The following PTPRD variants were observed in gnomAD, a reference collection of about 807,000 sequenced individuals.
PTPRD encodes the protein receptor-type tyrosine-protein phosphatase delta.
In PTPRD, 34 loss-of-function variants were observed where a neutral mutation model predicts 214.5. The observed-to-expected ratio is 0.16, with a 90% confidence interval of 0.12 to 0.21. The LOEUF is 0.21. PTPRD is among the 10% of genes least tolerant of loss of function. The pLI is 1.00. For missense variants in PTPRD, 2,545 were observed against 2,398.7 expected, an observed-to-expected ratio of 1.06 and a Z score of -1.27; for synonymous variants, 1,128 against 845.7, an observed-to-expected ratio of 1.33 and a Z score of -5.79.
At chr9:8,451,092 T>C (rs557938266) in intron 33 of PTPRD, among the ~76,000 whole-genome samples, 3 of 152,172 alleles carry the variant, frequency 2.0e-5, no homozygotes, top group Admixed American at 2.0e-4. Flanking sequence ...TTAAATAGCC[T>C]TTCTTCCCAT....
intron 7 of PTPRD, among the ~76,000 whole-genome samples, chr9:9,679,560 G>A (rs2097019750): frequency 6.6e-6 from 1 of 151,812 alleles, no homozygotes; most frequent in African/African-American, 2.4e-5. Context: ...ATTTACCGAG[G>A]AATGCTTTAA....
At chr9:9,528,700 T>C (rs927919154) in intron 8 of PTPRD, among the ~76,000 whole-genome samples, 3 of 150,476 alleles carry the variant, frequency 2.0e-5, no homozygotes, top group Non-Finnish European at 3.0e-5. Flanking sequence ...AAAGAGAAAA[T>C]ATTGAGGTAG....
rs528752714 is a variant in PTPRD at position 10,214,964 on chromosome 9, G to A, written c.-545+125999C>T. On this transcript the variant is annotated intron_variant, in intron 3 of 45. Coordinates refer to ENST00000381196, the MANE Select transcript of PTPRD (RefSeq NM_002839.4). Reference sequence around the variant, plus strand: ...AGCTTGAGTTTTGGACATCTCTGGGGAAATGGACAAGTGCTGAATGAGATA... The same window carrying A: ...AGCTTGAGTTTTGGACATCTCTGGGAAAATGGACAAGTGCTGAATGAGATA... 6.6e-5 allele frequency among the ~76,000 whole-genome samples: 10 copies of A among 152,092 alleles called. No homozygotes were observed. The East Asian group carries it at 1.9e-3, about 29-fold the overall frequency.
chr9:10,173,009 T>G (rs1188460893), intron 3 of PTPRD, among the ~76,000 whole-genome samples: 1 of 152,220 alleles, frequency 6.6e-6, no homozygotes, highest in East Asian at 1.9e-4. Context: ...TTTTCCTTTG[T>G]AAAAGTGAAG....
chr9:9,447,507 C>T (rs2144948094), intron 8 of PTPRD, among the ~76,000 whole-genome samples: 1 of 151,978 alleles, frequency 6.6e-6, no homozygotes, highest in South Asian at 2.1e-4. Flanking sequence ...ACACTGGGAC[C>T]TATTGGAGGG....
rs185576241 is a variant in PTPRD, at chr9:10,084,494, A to G, written c.-544-50704T>C. 1.2e-3 allele frequency among the ~76,000 whole-genome samples: 189 copies of G among 152,036 alleles called. 1 individual carries two copies. Among genetic ancestry groups the G allele is most frequent in the African/African-American group, 4.4e-3 (184 of 41,552 alleles). On this transcript the variant is annotated intron_variant, in intron 3 of 45. Transcript: ENST00000381196. The stretch of plus-strand genomic sequence containing the variant: ...TGTTTATCATATATTATTTATAACT[A>G]TGCCAGAATTGTAACCCACTCACAC...
At chr9:9,457,839 C>T (rs1297092748) in intron 8 of PTPRD, among the ~76,000 whole-genome samples, 2 of 151,984 alleles carry the variant, frequency 1.3e-5, no homozygotes, top group East Asian at 3.9e-4. Flanking sequence ...TACCCCAGGG[C>T]ATTTTTTCCC....
At chr9:8,573,978 A>C (rs2091826319) in intron 14 of PTPRD, among the ~76,000 whole-genome samples, 1 of 151,924 alleles carries the variant, frequency 6.6e-6, no homozygotes, top group South Asian at 2.1e-4. Context: ...CTAATTATTC[A>C]TCCTTGTATT....
rs186882671 is a variant in PTPRD at position 8,670,200 on chromosome 9, G to C, written c.65-33356C>G. On this transcript the variant is annotated intron_variant, in intron 12 of 45. Coordinates refer to ENST00000381196, the MANE Select transcript of PTPRD (RefSeq NM_002839.4). Reference sequence around the variant, plus strand: ...CTTATTTAACGAAAATCCCTAATAAGACACAACTGTATTAACTTTAGGCAT... The same window carrying C: ...CTTATTTAACGAAAATCCCTAATAACACACAACTGTATTAACTTTAGGCAT... Among the ~76,000 whole-genome samples, 72 of 152,112 alleles carry C rather than the reference G, an allele frequency of 4.7e-4. No homozygotes were observed. The Middle Eastern group carries it at 0.01, about 22-fold the overall frequency.
intron 6 of PTPRD, among the ~76,000 whole-genome samples, chr9:9,745,307 T>C (rs1021873044): frequency 5.3e-5 from 8 of 152,130 alleles, no homozygotes; most frequent in African/African-American, 1.7e-4. Flanking sequence ...ATGAACTTAT[T>C]TTCAAGGAAA....
At chr9:8,598,731 T>A (rs545206108) in intron 14 of PTPRD, among the ~76,000 whole-genome samples, 1 of 152,254 alleles carries the variant, frequency 6.6e-6, no homozygotes, top group Non-Finnish European at 1.5e-5. Context: ...GGATCTTTCA[T>A]TGGAAGAGCC....
intron 4 of PTPRD, among the ~76,000 whole-genome samples, chr9:9,954,920 C>T (rs1453508766): frequency 6.6e-6 from 1 of 152,220 alleles, no homozygotes; most frequent in African/African-American, 2.4e-5. Context: ...ACAAACAAAA[C>T]TCAGTTTTAA....
intron 11 of PTPRD, among the ~76,000 whole-genome samples, chr9:8,910,943 T>C (rs550840315): frequency 6.6e-6 from 1 of 152,272 alleles, no homozygotes; most frequent in African/African-American, 2.4e-5. Flanking sequence ...CTGAAAGATA[T>C]TAAGAACATA....
chr9:8,379,989 C>A (rs989994745), intron 37 of PTPRD, among the ~76,000 whole-genome samples: 13 of 152,046 alleles, frequency 8.6e-5, no homozygotes, highest in Non-Finnish European at 1.5e-4. Flanking sequence ...TGAAGTGATG[C>A]CCCTAAAACA....
intron 2 of PTPRD, among the ~76,000 whole-genome samples, chr9:10,393,144 T>C (rs942710244): frequency 6.6e-6 from 1 of 151,868 alleles, no homozygotes; most frequent in African/African-American, 2.4e-5. Flanking sequence ...TTTGTCTATC[T>C]TTATGCTCAA....
chr9:8,521,660 G>A lies in PTPRD; in HGVS notation c.692-114C>T, dbSNP rs2097893088. ...TTCAACAATTGAAACATTGTGGATT[G>A]TCCAAAAACAAAACATAAAGAAAAA... On this transcript the variant is annotated intron_variant, in intron 19 of 45. Transcript: ENST00000381196. 4.1e-6 allele frequency: 5 copies of A among 1,229,236 alleles called. No individual in the cohort carries two copies. The East Asian group carries it at 1.2e-4, about 30-fold the overall frequency. The allele number at this position is 1,229,236 out of a possible 1,614,324, so 76.1% of individuals were successfully genotyped here.
chr9:8,777,738 T>A (rs1483361142), intron 11 of PTPRD, among the ~76,000 whole-genome samples: 1 of 152,210 alleles, frequency 6.6e-6, no homozygotes. Context: ...TTGAAAGCCT[T>A]ATTTACTGTA....
At chr9:9,352,310 C>CATATATATAT (rs35015743) in intron 9 of PTPRD, among the ~76,000 whole-genome samples, 1 of 140,970 alleles carries the variant, frequency 7.1e-6, no homozygotes, top group African/African-American at 2.8e-5. Context: ...GCCAAAAAAC[C>CATATATATAT]ATATATATAT....
intron 10 of PTPRD, among the ~76,000 whole-genome samples, chr9:9,090,469 G>C (rs1172044936): frequency 1.3e-5 from 2 of 152,126 alleles, no homozygotes; most frequent in East Asian, 1.9e-4. Context: ...ATCATTCTGA[G>C]ATTGTACCAC....
Sources: allele counts gnomAD v4.1 joint callset (sites outside exome capture counted in the v4.1 genomes callset), GRCh38; gene constraint gnomAD v4.1.1; transcripts MANE v1.5; gene names NCBI Gene and HGNC (gene_info 2026-07-23, HGNC 2026-07-21).